Variants in PDE4D observed in about 807,000 individuals in gnomAD.
The protein encoded by PDE4D is 3',5'-cyclic-AMP phosphodiesterase 4D.
In PDE4D, 24 loss-of-function variants were observed where a neutral mutation model predicts 87.4. That is an observed-to-expected ratio of 0.27 (90% CI 0.20 to 0.39). The LOEUF (loss-of-function observed/expected upper bound fraction) is 0.39. Among genes scored for constraint, PDE4D ranks in the 10% least tolerant of loss-of-function variants. PDE4D has a pLI of 1.00. For missense variants in PDE4D, 714 were observed against 1,041.0 expected, an observed-to-expected ratio of 0.69 and a Z score of 4.32; for synonymous variants, 384 against 383.2, an observed-to-expected ratio of 1.00 and a Z score of -0.02.
intron 1 of PDE4D, among the ~76,000 whole-genome samples, chr5:59,866,137 T>C (rs923069162): frequency 3.3e-5 from 5 of 152,266 alleles, no homozygotes; most frequent in African/African-American, 1.2e-4. Context: ...TTGTTTTTTA[T>C]AGAAGTTTTC....
intron 1 of PDE4D, among the ~76,000 whole-genome samples, chr5:59,290,745 T>G (rs1268374667): frequency 2.0e-5 from 3 of 151,784 alleles, no homozygotes; most frequent in Non-Finnish European, 4.4e-5. Context: ...AGGAAAAAAT[T>G]AATCTGATTT....
At chr5:59,304,450 G>C (rs1770883260) in intron 1 of PDE4D, among the ~76,000 whole-genome samples, 1 of 152,236 alleles carries the variant, frequency 6.6e-6, no homozygotes, top group South Asian at 2.1e-4. Context: ...AGAGTGGTGA[G>C]AGTGGGCATC....
intron 1 of PDE4D, among the ~76,000 whole-genome samples, chr5:59,884,130 C>G (rs1271874323): frequency 1.3e-5 from 2 of 151,980 alleles, no homozygotes; most frequent in Non-Finnish European, 2.9e-5. Flanking sequence ...TCTTCACACA[C>G]CTGTAACAGT....
chr5:59,954,810 G>A (rs570528646), intron 3 of PDE4D, among the ~76,000 whole-genome samples: 21 of 152,268 alleles, frequency 1.4e-4, no homozygotes, highest in African/African-American at 4.3e-4. Context: ...ATAAGTTCAC[G>A]TATTGAGTGA....
At chr5:60,055,285 T>C (rs573106727) in intron 2 of PDE4D, among the ~76,000 whole-genome samples, 2 of 152,154 alleles carry the variant, frequency 1.3e-5, no homozygotes, top group East Asian at 3.9e-4. Context: ...AGCTTCAAAC[T>C]TCTAGCAACA....
chr5:59,675,017 T>G lies in PDE4D; in HGVS notation c.455+218151A>C, dbSNP rs529626012. Reference sequence around the variant, plus strand: ...AATCACATACTATCTATACCTACACTTCAACTACCTGTAACTAGATTTTCA... The same window carrying G: ...AATCACATACTATCTATACCTACACGTCAACTACCTGTAACTAGATTTTCA... On this transcript the variant is annotated intron_variant, in intron 1 of 14. Coordinates refer to ENST00000340635, the MANE Select transcript of PDE4D (RefSeq NM_001104631.2). Among the ~76,000 whole-genome samples the G allele has an allele frequency of 2.6e-5, 4 of 152,298 alleles. No homozygotes were observed. In the East Asian group the frequency reaches 7.7e-4, roughly 29 times the overall value.
chr5:60,253,883 G>A (rs765187293), intron 1 of PDE4D, among the ~76,000 whole-genome samples: 2 of 151,852 alleles, frequency 1.3e-5, no homozygotes, highest in Non-Finnish European at 2.9e-5. Context: ...AGAGTAAAGG[G>A]AACCTGATTC....
intron 1 of PDE4D, among the ~76,000 whole-genome samples, chr5:60,438,987 G>A (rs1021281601): frequency 2.6e-5 from 4 of 152,072 alleles, no homozygotes; most frequent in Non-Finnish European, 5.9e-5. Flanking sequence ...AGCATGCACT[G>A]TTGGAGATAG....
In PDE4D at chr5:60,206,786, C is replaced by T. The variant is rs1162040932; in HGVS notation, c.-89-21099G>A. ...GAAAAGCCAAGTATTTGTAGGGCAT[C>T]TCTTAATAAAACAACCTCTACTCTA... is the stretch of plus-strand genomic sequence containing the variant. On this transcript the variant is annotated intron_variant, in intron 1 of 16. Transcript: ENST00000502484. Among the ~76,000 whole-genome samples the T allele has an allele frequency of 2.0e-5, 3 of 152,178 alleles. No homozygotes were observed. The East Asian group carries it at 5.8e-4, about 29-fold the overall frequency.
chr5:59,566,200 C>G (rs1284197826), intron 1 of PDE4D, among the ~76,000 whole-genome samples: 1 of 152,102 alleles, frequency 6.6e-6, no homozygotes, highest in African/African-American at 2.4e-5. Context: ...GAAGTGCATT[C>G]TTGATCTTGG....
intron 1 of PDE4D, among the ~76,000 whole-genome samples, chr5:59,624,317 G>GT (rs1830657144): frequency 2.7e-5 from 1 of 37,650 alleles, no homozygotes; most frequent in Non-Finnish European, 6.2e-5. Context: ...ACATACTCCT[G>GT]CCCCGATCAC....
At chr5:59,878,961 C>T (rs559367877) in intron 1 of PDE4D, among the ~76,000 whole-genome samples, 17 of 136,734 alleles carry the variant, frequency 1.2e-4, no homozygotes, top group African/African-American at 4.5e-4. Flanking sequence ...TGCAGTGACG[C>T]GATCTCGGCT....
At chr5:59,496,909 T>C (rs1807321533) in intron 1 of PDE4D, among the ~76,000 whole-genome samples, 2 of 152,286 alleles carry the variant, frequency 1.3e-5, no homozygotes, top group South Asian at 4.1e-4. Flanking sequence ...GAGGGCACTT[T>C]GCAGACTTTT....
intron 1 of PDE4D, among the ~76,000 whole-genome samples, chr5:59,775,771 A>C (rs1001770361): frequency 1.3e-5 from 2 of 152,226 alleles, no homozygotes; most frequent in East Asian, 1.9e-4. Context: ...ATTCAGAGGA[A>C]TATAACACAA....
chr5:59,256,490 T>G (rs544302238), intron 1 of PDE4D, among the ~76,000 whole-genome samples: 1 of 152,140 alleles, frequency 6.6e-6, no homozygotes, highest in African/African-American at 2.4e-5. Context: ...TCAATTAAGA[T>G]AAACATCAAC....
chr5:60,287,442 C>A (rs781478451), intron 1 of PDE4D, among the ~76,000 whole-genome samples: 2 of 152,150 alleles, frequency 1.3e-5, no homozygotes, highest in Non-Finnish European at 2.9e-5. Context: ...TCCTCTACTG[C>A]GGGAAGGCTC....
chr5:59,945,912 T>G (rs1757682252), intron 3 of PDE4D, among the ~76,000 whole-genome samples: 1 of 152,188 alleles, frequency 6.6e-6, no homozygotes, highest in Non-Finnish European at 1.5e-5. Flanking sequence ...CTGTTGATTT[T>G]AGGGCAATTG....
intron 2 of PDE4D, among the ~76,000 whole-genome samples, chr5:60,033,748 T>A (rs1767491830): frequency 6.6e-6 from 1 of 152,128 alleles, no homozygotes; most frequent in Non-Finnish European, 1.5e-5. Flanking sequence ...ACCATCTGGA[T>A]GAATCAAAGG....
intron 3 of PDE4D, among the ~76,000 whole-genome samples, chr5:59,969,205 G>A (rs1410942540): frequency 6.6e-6 from 1 of 152,068 alleles, no homozygotes; most frequent in Non-Finnish European, 1.5e-5. Flanking sequence ...CTCTTCACAA[G>A]TCCACCATTC....
Sources: gnomAD v4.1 joint callset for allele counts (sites outside exome capture counted in the v4.1 genomes callset) on GRCh38, gnomAD v4.1.1 for gene constraint, MANE v1.5 for transcripts, NCBI Gene and HGNC (gene_info 2026-07-23, HGNC 2026-07-21) for gene names.